Variants in NFIC observed in about 807,000 individuals in gnomAD.
NFIC encodes the protein nuclear factor I C.
Under a neutral mutation model 54.4 loss-of-function variants are expected in NFIC, and 12 were observed. The ratio of observed to expected loss-of-function variants is 0.22; its 90% confidence interval spans 0.14 to 0.36. The LOEUF (loss-of-function observed/expected upper bound fraction) is 0.36, where lower values mean the gene tolerates loss of function less well. Among genes scored for constraint, NFIC ranks in the 10% least tolerant of loss-of-function variants. The probability of loss-of-function intolerance (pLI) is 1.00; values close to 1 mark genes in which losing one functional copy is unlikely to be tolerated. For synonymous variants in NFIC, 322 were observed against 319.2 expected, an observed-to-expected ratio of 1.01 and a Z score of -0.09; for missense variants, 575 against 718.2, an observed-to-expected ratio of 0.80 and a Z score of 2.28.
At chr19:3,387,867 T>G (rs2081322256) in intron 2 of NFIC, among the ~76,000 whole-genome samples, 1 of 151,736 alleles carries the variant, frequency 6.6e-6, no homozygotes. Context: ...GGAAGGAGCC[T>G]GCAGGAACCA....
In NFIC at chr19:3,463,854, C is replaced by T; in HGVS notation, c.*1085C>T. ...TGGTTTAAGTGCCTGATTACCACCA[C>T]CCGCCCCCCCCTTTGTCCAGCTGGG... On this transcript the variant is annotated 3_prime_UTR_variant, in exon 11 of 11. Coordinates refer to ENST00000443272, the MANE Select transcript of NFIC (RefSeq NM_001245002.2). 4 of 982,674 alleles carry T rather than the reference C, an allele frequency of 4.1e-6. No homozygotes were observed. Among genetic ancestry groups the T allele is most frequent in the Non-Finnish European group, 4.8e-6 (4 of 828,792 alleles). 60.9% of individuals were successfully genotyped at this position (982,674 alleles called of 1,614,324 possible).
At chr19:3,436,344 G>A (rs1555679615) in intron 6 of NFIC, among the ~76,000 whole-genome samples, 1 of 132,628 alleles carries the variant, frequency 7.5e-6, no homozygotes, top group Non-Finnish European at 1.6e-5. Flanking sequence ...TTTTGGTAGA[G>A]ATGGGGTCTC....
chr19:3,382,388 C>T, intron 2 of NFIC, 145 bp downstream of exon 2: 3 of 1,176,780 alleles, frequency 2.5e-6, no homozygotes, highest in Non-Finnish European at 3.5e-6. Context: ...TTGGAGAGTG[C>T]CCAATGGGGG....
intron 2 of NFIC, among the ~76,000 whole-genome samples, chr19:3,421,739 A>G (rs1285345652): frequency 6.6e-6 from 1 of 152,178 alleles, no homozygotes; most frequent in African/African-American, 2.4e-5. Flanking sequence ...GCTAGGAAAT[A>G]TCATTGCTTT....
chr19:3,464,637 GCTC>G lies in NFIC; in HGVS notation c.*1871_*1873del, dbSNP rs1376376545. 2 of 979,086 alleles carry G rather than the reference GCTC, an allele frequency of 2.0e-6. No individual in the cohort carries two copies. The highest frequency in any genetic ancestry group is 2.4e-6 in the Non-Finnish European group (2 of 827,606). 60.6% of individuals were successfully genotyped at this position (979,086 alleles called of 1,614,324 possible). A position where few individuals can be genotyped will look rare whatever the true frequency, so the allele number is the denominator to read the frequency against. The stretch of plus-strand genomic sequence containing the variant: ...CAGGGCAGGTCTCCGGGTCTCACCT[GCTC>G]CTAGCCTCACCCCCCTGCCCCCGAA... On this transcript the variant is annotated 3_prime_UTR_variant, in exon 11 of 11. Transcript: ENST00000443272.
intron 10 of NFIC, among the ~76,000 whole-genome samples, chr19:3,457,596 C>G (rs560566590): frequency 6.6e-6 from 1 of 152,126 alleles, no homozygotes; most frequent in Admixed American, 6.5e-5. Context: ...GCCACAGGCC[C>G]GGGAGGTCCA....
intron 2 of NFIC, among the ~76,000 whole-genome samples, chr19:3,388,834 C>T (rs1457260478): frequency 2.4e-5 from 2 of 82,106 alleles, no homozygotes; most frequent in Non-Finnish European, 4.2e-5. Context: ...TCTCTAAAAA[C>T]CGTTTTTTTT....
chr19:3,467,327 C>G lies in NFIC; in HGVS notation c.*4558C>G, dbSNP rs965453230. 4 of 150,984 alleles carry G rather than the reference C, an allele frequency of 2.6e-5. No homozygotes were observed. Among genetic ancestry groups the G allele is most frequent in the Admixed American group, 1.3e-4 (2 of 15,116 alleles). The allele number at this position is 150,984 out of a possible 1,614,324, so 9.4% of individuals were successfully genotyped here. A position where few individuals can be genotyped will look rare whatever the true frequency, so the allele number is the denominator to read the frequency against. Reference sequence around the variant, plus strand: ...ATTCCGTGGGGGCACCTGACAATGACCCGGGTGGAGATGGGGCATGGAGGA... The same window carrying G: ...ATTCCGTGGGGGCACCTGACAATGAGCCGGGTGGAGATGGGGCATGGAGGA... On this transcript the variant is annotated 3_prime_UTR_variant, in exon 11 of 11. Transcript: ENST00000443272.
Position 3,468,960 on chromosome 19 carries a change from AC to A in NFIC, c.*6195del, listed in dbSNP as rs573273633. ...GACCCGCCGGCTCTCCCCCCACCCCACCCCGCCCCTCACATCATACTCCAAT... is the reference window on the plus strand; with the variant it reads ...GACCCGCCGGCTCTCCCCCCACCCCACCCGCCCCTCACATCATACTCCAAT... On this transcript the variant is annotated 3_prime_UTR_variant, in exon 11 of 11. Transcript: ENST00000443272. The A allele has an allele frequency of 2.1e-3, 170 of 80,098 alleles. No homozygotes were observed. The highest frequency in any genetic ancestry group is 7.3e-3 in the African/African-American group (156 of 21,482). The allele number at this position is 80,098 out of a possible 1,614,324, so 5.0% of individuals were successfully genotyped here. A position where few individuals can be genotyped will look rare whatever the true frequency, so the allele number is the denominator to read the frequency against.
rs1231212728 is a variant in NFIC, at chr19:3,464,085, C to G, written c.*1316C>G. 1.4e-5 allele frequency: 14 copies of G among 985,240 alleles called. No homozygotes were observed. The highest frequency in any genetic ancestry group is 1.4e-5 in the Non-Finnish European group (12 of 829,924). 61.0% of individuals were successfully genotyped at this position (985,240 alleles called of 1,614,324 possible). ...TGGGGAAGCCGGTGCGCCCCCCACG[C>G]CTCCGCTGCCAGTGCCTTACATTCT... On this transcript the variant is annotated 3_prime_UTR_variant, in exon 11 of 11. Coordinates refer to ENST00000443272, the MANE Select transcript of NFIC (RefSeq NM_001245002.2).
At position 3,366,607 on chromosome 19, in the gene NFIC, G is replaced by A. The variant is rs1460620187; in HGVS notation, c.-30G>A. 6 of 1,471,594 alleles carry A rather than the reference G, an allele frequency of 4.1e-6. No homozygotes were observed. The African/African-American group carries it at 4.4e-5, about 11-fold the overall frequency. The allele number at this position is 1,471,594 out of a possible 1,614,324, so 91.2% of individuals were successfully genotyped here. A position where few individuals can be genotyped will look rare whatever the true frequency, so the allele number is the denominator to read the frequency against. ...CAGTAAGTTCAGCGCGCCCGCTCCG[G>A]CCGGCCCTGCGCCTCCCGCCGCGCC... On this transcript the variant is annotated 5_prime_UTR_variant, in exon 1 of 11. Transcript: ENST00000443272.
intron 6 of NFIC, among the ~76,000 whole-genome samples, chr19:3,438,274 G>A (rs1158189130): frequency 7.5e-6 from 1 of 133,278 alleles, no homozygotes; most frequent in Non-Finnish European, 1.6e-5. Flanking sequence ...GGAGGTGGTA[G>A]CAATGGGGGG....
At chr19:3,388,741 T>C (rs11085017) in intron 2 of NFIC, among the ~76,000 whole-genome samples, 28,062 of 152,094 alleles carry the variant, frequency 0.18, 2,904 homozygotes, top group East Asian at 0.42. Flanking sequence ...GGCAGGAGGA[T>C]GGCTTGAGCC....
chr19:3,425,199 C>T (rs773522907), intron 3 of NFIC, 22 bp downstream of exon 3: 18 of 1,601,622 alleles, frequency 1.1e-5, no homozygotes, highest in Admixed American at 5.1e-5. Context: ...GGCAGCGTGG[C>T]GGTGAAGGGC....
At chr19:3,374,648 GGGGA>G (rs2081074188) in intron 1 of NFIC, among the ~76,000 whole-genome samples, 1 of 152,194 alleles carries the variant, frequency 6.6e-6, no homozygotes, top group Non-Finnish European at 1.5e-5. Flanking sequence ...GCTTGAAGGA[GGGGA>G]CACTAGAGAT....
In NFIC at chr19:3,462,928, ACACT is replaced by A. The variant is rs2121967115; in HGVS notation, c.*162_*165del. 6.7e-7 allele frequency: 1 copy of A among 1,490,630 alleles called. No individual in the cohort carries two copies. Among genetic ancestry groups the A allele is most frequent in the African/African-American group, 1.4e-5 (1 of 70,690 alleles). The allele number at this position is 1,490,630 out of a possible 1,614,324, so 92.3% of individuals were successfully genotyped here. The stretch of plus-strand genomic sequence containing the variant: ...AAAAAGACAAAACACATAGACGCAC[ACACT>A]CAGGAGGAAAAGAAAAAACAAAGGC... On this transcript the variant is annotated 3_prime_UTR_variant, in exon 11 of 11. Coordinates refer to ENST00000443272, the MANE Select transcript of NFIC (RefSeq NM_001245002.2).
rs2082504214 is a variant in NFIC at position 3,453,692 on chromosome 19, G to A, written c.1270-71G>A. On this transcript the variant is annotated intron_variant, in intron 8 of 10. Transcript: ENST00000443272. This position sits in a 1 kb window ranked among gnomAD's most constrained non-coding sequence, Gnocchi z 6.7. ...GTCCGGGCCGTGCACAGAGCCGGGG[G>A]CGGCCGGCGCCAGCAGCCCGAGGTA... is the stretch of plus-strand genomic sequence containing the variant. 9.9e-6 allele frequency: 15 copies of A among 1,517,886 alleles called. No homozygotes were observed. The highest frequency in any genetic ancestry group is 2.5e-5 in the South Asian group (2 of 79,326). The allele number at this position is 1,517,886 out of a possible 1,614,324, so 94.0% of individuals were successfully genotyped here.
chr19:3,372,034 TCTCTCTCTCG>T (rs2081029634), intron 1 of NFIC, among the ~76,000 whole-genome samples: 2 of 136,866 alleles, frequency 1.5e-5, no homozygotes, highest in African/African-American at 6.0e-5. Flanking sequence ...TCTCTCTCTC[TCTCTCTCTCG>T]GAGTCTTGCA....
intron 2 of NFIC, among the ~76,000 whole-genome samples, chr19:3,401,992 G>C (rs969433853): frequency 6.6e-6 from 1 of 151,726 alleles, no homozygotes; most frequent in African/African-American, 2.4e-5. Context: ...AAAGTTCTAG[G>C]ATTACAGGTG....
Sources: allele counts gnomAD v4.1 joint callset (sites outside exome capture counted in the v4.1 genomes callset), GRCh38; gene constraint gnomAD v4.1.1; non-coding constraint Gnocchi (gnomAD v3.1); transcripts MANE v1.5; gene names NCBI Gene and HGNC (gene_info 2026-07-23, HGNC 2026-07-21).